TNRC6C: variants seen among roughly 807,000 people sequenced by gnomAD.
The protein encoded by TNRC6C is trinucleotide repeat containing adaptor 6C.
TNRC6C carries 20 observed loss-of-function variants against 153.7 expected under a neutral mutation model. The observed-to-expected ratio is 0.13, with a 90% CI of 0.09 to 0.19. The LOEUF is 0.19. Ranked by LOEUF, TNRC6C falls within the 10% of genes least tolerant of loss-of-function variation. The pLI, the probability that TNRC6C is intolerant of heterozygous loss-of-function variation, is 1.00. For missense variants in TNRC6C, 1,987 were observed against 2,172.0 expected (o/e 0.91, Z 1.69); for synonymous variants, 811 against 841.4 (o/e 0.96, Z 0.63).
chr17:78,058,513 C>G (rs776236120), intron 3 of TNRC6C, among the ~76,000 whole-genome samples: 11 of 152,198 alleles, frequency 7.2e-5, no homozygotes, highest in Non-Finnish European at 1.5e-4. Flanking sequence ...TCAGATTTCA[C>G]TGAAATGTAG....
intron 1 of TNRC6C, among the ~76,000 whole-genome samples, chr17:77,996,476 A>C (rs1194451286): frequency 2.0e-5 from 3 of 152,184 alleles, no homozygotes; most frequent in African/African-American, 7.2e-5. Context: ...AATCCACTCC[A>C]GGTGTCTGCC....
At chr17:78,064,903 C>T (rs369666405) in exon 4 of TNRC6C, 71 of 1,611,490 alleles carry the variant, frequency 4.4e-5, no homozygotes, top group Middle Eastern at 1.7e-4. Context: ...GAAGAGCTGG[C>T]GCACCTGTTG....
At chr17:78,076,801 T>C (rs2073093701) in intron 8 of TNRC6C, among the ~76,000 whole-genome samples, 2 of 152,216 alleles carry the variant, frequency 1.3e-5, no homozygotes, top group African/African-American at 4.8e-5. Flanking sequence ...CAAAAACAAA[T>C]GTCATGGAAT....
At chr17:78,073,389 A>G (rs1056900119) in intron 7 of TNRC6C, among the ~76,000 whole-genome samples, 2 of 152,228 alleles carry the variant, frequency 1.3e-5, no homozygotes, top group Admixed American at 1.3e-4. Flanking sequence ...CTGGAACCAC[A>G]CACTAGACTT....
chr17:77,978,681 T>C (rs999065293), intron 1 of TNRC6C, among the ~76,000 whole-genome samples: 1 of 152,056 alleles, frequency 6.6e-6, no homozygotes, highest in African/African-American at 2.4e-5. Context: ...TTTCAATAGA[T>C]GTCAGAGGCG....
intron 3 of TNRC6C, among the ~76,000 whole-genome samples, chr17:78,059,528 A>G (rs1270875405): frequency 6.6e-6 from 1 of 152,208 alleles, no homozygotes; most frequent in Non-Finnish European, 1.5e-5. Context: ...TCAATTCAAA[A>G]TAGATAAATG....
At chr17:78,100,811 T>C (rs1056952318) in intron 17 of TNRC6C, among the ~76,000 whole-genome samples, 3 of 146,488 alleles carry the variant, frequency 2.0e-5, no homozygotes, top group Non-Finnish European at 3.0e-5. Flanking sequence ...GTTTCACTCT[T>C]GTCACCCAGG....
chr17:78,000,306 C>G (rs2071390869), upstream of TNRC6C, among the ~76,000 whole-genome samples: 1 of 152,196 alleles, frequency 6.6e-6, no homozygotes. Context: ...TTTACCTTGT[C>G]TTTCCTTTTA....
At chr17:77,988,042 G>A (rs1198241348) in intron 1 of TNRC6C, among the ~76,000 whole-genome samples, 2 of 151,980 alleles carry the variant, frequency 1.3e-5, no homozygotes, top group African/African-American at 4.8e-5. Context: ...CAGCAGTACT[G>A]TGCCAATTAG....
chr17:77,994,203 A>G (rs186395239), intron 1 of TNRC6C, among the ~76,000 whole-genome samples: 2 of 152,306 alleles, frequency 1.3e-5, no homozygotes, highest in Admixed American at 6.5e-5. Context: ...AAAATAAAAA[A>G]GAAACTATTT....
At chr17:77,996,409 G>C (rs951154883) in intron 1 of TNRC6C, among the ~76,000 whole-genome samples, 1 of 152,194 alleles carries the variant, frequency 6.6e-6, no homozygotes, top group African/African-American at 2.4e-5. Context: ...GTGCAGCCTA[G>C]AGAATCCAGG....
At chr17:78,077,036 T>C in intron 8 of TNRC6C, 149 bp from the exon 11 acceptor site, 1 of 823,988 alleles carries the variant, frequency 1.2e-6, no homozygotes, top group Non-Finnish European at 1.8e-6. Flanking sequence ...CCTCTTCCTT[T>C]TGCACATGTT....
intron 16 of TNRC6C, among the ~76,000 whole-genome samples, chr17:78,095,130 T>G (rs760772878): frequency 2.0e-5 from 3 of 152,180 alleles, no homozygotes; most frequent in Non-Finnish European, 1.5e-5. Context: ...TTGGAAAGAA[T>G]CGAAGTTGCA....
At chr17:78,024,356 G>GT (rs1567920758) in intron 1 of TNRC6C, among the ~76,000 whole-genome samples, 2 of 151,400 alleles carry the variant, frequency 1.3e-5, no homozygotes, top group Non-Finnish European at 3.0e-5. Context: ...GTTTTTTTTG[G>GT]TTTTTTTGTT....
chr17:78,031,573 G>C (rs968019727), exon 2 of TNRC6C: 6 of 1,232,318 alleles, frequency 4.9e-6, no homozygotes, highest in Non-Finnish European at 6.1e-6. Flanking sequence ...ACCAGTACCA[G>C]TACTTCCACC....
intron 1 of TNRC6C, among the ~76,000 whole-genome samples, chr17:77,970,485 G>C (rs1413467104): frequency 6.6e-6 from 1 of 152,176 alleles, no homozygotes; most frequent in Admixed American, 6.5e-5. Context: ...AACCTCACCT[G>C]GCTGCTGCTT....
At chr17:78,090,447 C>T (rs1370457493) in intron 13 of TNRC6C, among the ~76,000 whole-genome samples, 1 of 152,184 alleles carries the variant, frequency 6.6e-6, no homozygotes, top group Non-Finnish European at 1.5e-5. Context: ...TGCTTACGTA[C>T]CGTGTGGCGT....
chr17:78,005,043 T>TC (rs2071472547), upstream of TNRC6C: 10 of 535,888 alleles, frequency 1.9e-5, no homozygotes, highest in Admixed American at 1.2e-4. Context: ...TTTCTCTCTC[T>TC]TTTTTTTTTT....
chr17:78,049,112 CAAATGGCAA>C lies in TNRC6C; in HGVS notation c.51_59del (p.Asn20_Gly22del). ...AACTTCACTGGACATACCAAGAAGACAAATGGCAATAATGGCACCAATGGCGCACTCGTC... is the reference window on the plus strand; with the variant it reads ...AACTTCACTGGACATACCAAGAAGACTAATGGCACCAATGGCGCACTCGTC... On this transcript the variant is annotated inframe_deletion, in exon 3 of 20. Coordinates refer to ENST00000301624, the Ensembl canonical transcript of TNRC6C. This position sits in a 1 kb window ranked among gnomAD's most constrained non-coding sequence, Gnocchi z 4.1. 3.2e-6 allele frequency: 5 copies of C among 1,583,856 alleles called. No homozygotes were observed. Among genetic ancestry groups the C allele is most frequent in the Non-Finnish European group, 4.3e-6 (5 of 1,164,350 alleles).
Sources: allele counts gnomAD v4.1 joint callset (sites outside exome capture counted in the v4.1 genomes callset), GRCh38; gene constraint gnomAD v4.1.1; non-coding constraint Gnocchi (gnomAD v3.1); transcripts MANE v1.5; gene names NCBI Gene and HGNC (gene_info 2026-07-23, HGNC 2026-07-21).